KCNN2: variants seen among roughly 807,000 people sequenced by gnomAD.
The protein encoded by KCNN2 is potassium calcium-activated channel subfamily N member 2, also known as small conductance calcium-activated potassium channel protein 2.
KCNN2 carries 24 observed loss-of-function variants against 55.5 expected under a neutral mutation model. The ratio of observed to expected loss-of-function variants is 0.43; its 90% CI spans 0.31 to 0.61. KCNN2 has a LOEUF of 0.61. Ranked by LOEUF, KCNN2 falls within the 20% of genes least tolerant of loss-of-function variation. KCNN2 has a pLI of 0.08. For synonymous variants in KCNN2, 431 were observed against 336.1 expected (o/e 1.28, Z -3.09); for missense variants, 754 against 853.6 (o/e 0.88, Z 1.45).
chr5:114,387,731 G>T (rs923141432), intron 2 of KCNN2, among the ~76,000 whole-genome samples: 6 of 152,146 alleles, frequency 3.9e-5, no homozygotes, highest in Non-Finnish European at 7.4e-5. Context: ...AAGAACAGAA[G>T]AAAGGCTCTA....
At chr5:114,420,410 T>G (rs573780937) in intron 3 of KCNN2, among the ~76,000 whole-genome samples, 7 of 152,366 alleles carry the variant, frequency 4.6e-5, no homozygotes, top group East Asian at 3.9e-4. Flanking sequence ...ATACTGTGAT[T>G]GTCTTTGTCC....
chr5:114,453,138 G>A (rs555685606), intron 3 of KCNN2, among the ~76,000 whole-genome samples: 2 of 152,132 alleles, frequency 1.3e-5, no homozygotes, highest in Non-Finnish European at 2.9e-5. Context: ...TTTGAAAAAA[G>A]TCGTAGGTGT....
chr5:114,307,929 C>T (rs1384702146), intron 2 of KCNN2, among the ~76,000 whole-genome samples: 1 of 151,960 alleles, frequency 6.6e-6, no homozygotes, highest in Non-Finnish European at 1.5e-5. Context: ...TTGATTCCTC[C>T]CCATACCCCA....
At chr5:114,182,474 C>T (rs1289371381) in intron 1 of KCNN2, among the ~76,000 whole-genome samples, 1 of 152,014 alleles carries the variant, frequency 6.6e-6, no homozygotes, top group Non-Finnish European at 1.5e-5. Flanking sequence ...GTAATTACAT[C>T]TTAACAATAT....
chr5:114,461,730 G>GAA (rs771915363), intron 3 of KCNN2, among the ~76,000 whole-genome samples: 12 of 142,060 alleles, frequency 8.4e-5, no homozygotes, highest in African/African-American at 2.3e-4. Flanking sequence ...TGAGGGACAG[G>GAA]AAAAAAAAAA....
intron 2 of KCNN2, among the ~76,000 whole-genome samples, chr5:114,320,568 C>T (rs1756595895): frequency 1.3e-5 from 2 of 151,368 alleles, no homozygotes; most frequent in African/African-American, 2.4e-5. Context: ...GAGCCGAGAT[C>T]GCGCCACTGC....
intron 3 of KCNN2, among the ~76,000 whole-genome samples, chr5:114,460,126 C>T (rs193122466): frequency 3.3e-5 from 5 of 152,292 alleles, no homozygotes; most frequent in South Asian, 2.1e-4. Flanking sequence ...CTGCAGGCAA[C>T]GGCCATGAAG....
chr5:114,357,749 G>T (rs1176088366), upstream of KCNN2, among the ~76,000 whole-genome samples: 7 of 142,292 alleles, frequency 4.9e-5, no homozygotes, highest in South Asian at 2.3e-4. Flanking sequence ...GAATAATGCC[G>T]CAATAAACAT....
At chr5:114,355,551 C>T (rs1757280507) in intron 2 of KCNN2, among the ~76,000 whole-genome samples, 1 of 152,162 alleles carries the variant, frequency 6.6e-6, no homozygotes, top group South Asian at 2.1e-4. Context: ...AACTGTGGGA[C>T]ACACTGGTTT....
At chr5:114,429,092 T>A (rs1055549913) in intron 3 of KCNN2, among the ~76,000 whole-genome samples, 5 of 152,100 alleles carry the variant, frequency 3.3e-5, no homozygotes, top group African/African-American at 1.2e-4. Flanking sequence ...CCTGGGAGCA[T>A]GATTGATGGA....
intron 3 of KCNN2, among the ~76,000 whole-genome samples, chr5:114,453,821 T>A (rs1181791687): frequency 1.3e-5 from 2 of 152,200 alleles, no homozygotes; most frequent in Non-Finnish European, 2.9e-5. Context: ...AATTTTTTTT[T>A]AACTTTCAGT....
At chr5:114,303,150 G>A (rs1756201658) in intron 2 of KCNN2, among the ~76,000 whole-genome samples, 1 of 152,200 alleles carries the variant, frequency 6.6e-6, no homozygotes, top group South Asian at 2.1e-4. Flanking sequence ...TACGTCTTGG[G>A]ACAAATATAA....
At chr5:114,086,308 G>A (rs1209196905) in intron 1 of KCNN2, among the ~76,000 whole-genome samples, 1 of 151,730 alleles carries the variant, frequency 6.6e-6, no homozygotes, top group Non-Finnish European at 1.5e-5. Flanking sequence ...TAGATTTGGG[G>A]GTATATGTGC....
chr5:114,306,722 A>G (rs1203370646), intron 2 of KCNN2, among the ~76,000 whole-genome samples: 1 of 126,106 alleles, frequency 7.9e-6, no homozygotes, highest in African/African-American at 3.0e-5. Context: ...TTTTTTTGAG[A>G]CCAAGTCTCG....
chr5:114,389,932 T>C (rs1356738311), intron 2 of KCNN2, among the ~76,000 whole-genome samples: 1 of 152,144 alleles, frequency 6.6e-6, no homozygotes, highest in Non-Finnish European at 1.5e-5. Context: ...CATCAAATGA[T>C]GTGAATGCTG....
chr5:114,130,762 A>G (rs1027098130), intron 1 of KCNN2, among the ~76,000 whole-genome samples: 3 of 152,226 alleles, frequency 2.0e-5, no homozygotes, highest in Non-Finnish European at 4.4e-5. Context: ...CCATGCAGGC[A>G]TAAAACCAAG....
At chr5:114,080,028 T>C (rs1183974054) in intron 1 of KCNN2, among the ~76,000 whole-genome samples, 2 of 152,136 alleles carry the variant, frequency 1.3e-5, no homozygotes, top group Non-Finnish European at 2.9e-5. Flanking sequence ...AATTTACCTA[T>C]ATGGAAGGAC....
At chr5:114,240,321 A>G (rs897029107) in intron 2 of KCNN2, among the ~76,000 whole-genome samples, 2 of 152,012 alleles carry the variant, frequency 1.3e-5, no homozygotes, top group Non-Finnish European at 2.9e-5. Flanking sequence ...AAAAGCTTAT[A>G]AAATAAGAAT....
chr5:114,365,654 A>G (rs190298258), intron 2 of KCNN2, among the ~76,000 whole-genome samples: 3 of 152,330 alleles, frequency 2.0e-5, no homozygotes, highest in Admixed American at 1.3e-4. Context: ...CTACATGCCA[A>G]AAACTGTGAA....
Sources: allele counts gnomAD v4.1 joint callset (sites outside exome capture counted in the v4.1 genomes callset), GRCh38; gene constraint gnomAD v4.1.1; transcripts MANE v1.5; gene names NCBI Gene and HGNC (gene_info 2026-07-23, HGNC 2026-07-21).